The following BPGM variants were observed in gnomAD, a reference collection of about 807,000 sequenced individuals.
BPGM encodes bisphosphoglycerate mutase.
In BPGM, 15 loss-of-function variants were observed where a neutral mutation model predicts 21.6. That is an observed-to-expected ratio of 0.70 (90% CI 0.47 to 1.07). The LOEUF (loss-of-function observed/expected upper bound fraction) is 1.07. Ranked by LOEUF, BPGM falls within the 50% of genes least tolerant of loss-of-function variation. The probability of loss-of-function intolerance (pLI) is 0.00; values close to 1 mark genes in which losing one functional copy is unlikely to be tolerated. For synonymous variants in BPGM, 113 were observed against 116.2 expected (o/e 0.97, Z 0.18); for missense variants, 273 against 319.0 (o/e 0.86, Z 1.10).
chr7:134,647,018 G>A lies in BPGM; in HGVS notation c.-62+81G>A, dbSNP rs181961890. On this transcript the variant is annotated intron_variant, in intron 1 of 2. Transcript: ENST00000344924. ...ATGTTTTATTTTTGGGTGCGGGGAAGGCCAGTTTCTTTACTTCCCCCGGTT... is the reference window on the plus strand; with the variant it reads ...ATGTTTTATTTTTGGGTGCGGGGAAAGCCAGTTTCTTTACTTCCCCCGGTT... The A allele has an allele frequency of 3.1e-3, 481 of 155,176 alleles. 3 individuals carry two copies. The highest frequency in any genetic ancestry group is 3.7e-3 in the Non-Finnish European group (255 of 68,672). 9.6% of individuals were successfully genotyped at this position (155,176 alleles called of 1,614,324 possible).
At chr7:134,663,092 A>T (rs553750192) in intron 2 of BPGM, among the ~76,000 whole-genome samples, 5 of 152,322 alleles carry the variant, frequency 3.3e-5, no homozygotes, top group Admixed American at 3.3e-4. Context: ...TAATAAATAG[A>T]AGAAATTTCT....
chr7:134,648,346 G>T (rs1228758649), intron 1 of BPGM, among the ~76,000 whole-genome samples: 1 of 151,732 alleles, frequency 6.6e-6, no homozygotes, highest in Non-Finnish European at 1.5e-5. Flanking sequence ...TGTTGGCCAG[G>T]CTGGTCTCGA....
rs531190969 is a variant in BPGM, at chr7:134,678,971, G to A, written c.720G>A (p.Ala240=). The part of the protein sequence containing the change: ...GPHQFLGDQE[A]IQAAIKKVED... ...ATCAGTTCCTGGGTGACCAAGAGGCGATCCAAGCAGCCATTAAGAAAGTAG... is the reference window on the plus strand; with the variant it reads ...ATCAGTTCCTGGGTGACCAAGAGGCAATCCAAGCAGCCATTAAGAAAGTAG... The change falls in exon 3 of 3, where the codon GCG becomes GCA. Residue 240 remains alanine, a synonymous_variant. Coordinates refer to ENST00000344924, the MANE Select transcript of BPGM (RefSeq NM_001724.5). 136 of 1,614,120 alleles carry A rather than the reference G, an allele frequency of 8.4e-5. No homozygotes were observed. The African/African-American group carries it at 1.0e-3, about 12-fold the overall frequency.
chr7:134,675,668 G>A (rs940782402), intron 2 of BPGM, among the ~76,000 whole-genome samples: 1 of 151,900 alleles, frequency 6.6e-6, no homozygotes, highest in Non-Finnish European at 1.5e-5. Flanking sequence ...TGAGTCCCTT[G>A]GTTTATTTCT....
Position 134,659,395 on chromosome 7 carries a change from G to A in BPGM, c.-61-2052G>A, listed in dbSNP as rs1795694100. On this transcript the variant is annotated intron_variant, in intron 1 of 2. Coordinates refer to ENST00000344924, the MANE Select transcript of BPGM (RefSeq NM_001724.5). ...TCCGTGTGTGTGTGTGTGTGTGTGT[G>A]TGTGTGTGTGTGTGTGTTCATCACC... is the stretch of plus-strand genomic sequence containing the variant. 2.3e-5 allele frequency among the ~76,000 whole-genome samples: 3 copies of A among 127,964 alleles called. No individual in the cohort carries two copies. In the South Asian group the frequency reaches 7.2e-4, roughly 31 times the overall value. The allele number at this position is 127,964 out of a possible 152,430, so 83.9% of individuals were successfully genotyped here. A position where few individuals can be genotyped will look rare whatever the true frequency, so the allele number is the denominator to read the frequency against.
chr7:134,668,097 A>G (rs1430467866), intron 2 of BPGM, among the ~76,000 whole-genome samples: 1 of 152,076 alleles, frequency 6.6e-6, no homozygotes, highest in Non-Finnish European at 1.5e-5. Context: ...GTTGGTTCTG[A>G]AGATGTTAGT....
chr7:134,662,940 C>T (rs1585859306), intron 2 of BPGM, among the ~76,000 whole-genome samples: 2 of 152,346 alleles, frequency 1.3e-5, no homozygotes, highest in South Asian at 4.1e-4. Flanking sequence ...TGCACTGTGA[C>T]ACCTTCTGGA....
chr7:134,661,778 CA>C lies in BPGM; in HGVS notation c.272del (p.His91ProfsTer5), dbSNP rs1795737557. On this transcript the variant is annotated frameshift_variant, in exon 2 of 3. Coordinates refer to ENST00000344924, the MANE Select transcript of BPGM (RefSeq NM_001724.5). LOFTEE classifies it high-confidence loss of function. This position sits in a 1 kb window ranked among gnomAD's most constrained non-coding sequence, Gnocchi z 4.6. ...VESSWRLNER[H>X]YGALIGLNRE... ...AAGCTCCTGGCGTCTAAATGAGCGT[CA>C]CTATGGGGCCTTGATCGGTCTCAAC... The C allele has an allele frequency of 6.2e-7, 1 of 1,614,006 alleles. No homozygotes were observed. Among genetic ancestry groups the C allele is most frequent in the African/African-American group, 1.3e-5 (1 of 74,908 alleles).
At chr7:134,658,348 A>G (rs1412391230) in intron 1 of BPGM, 2 of 152,194 alleles carry the variant, frequency 1.3e-5, no homozygotes, top group Non-Finnish European at 2.9e-5. Context: ...TGTTTTCCAG[A>G]AAAGTTCTAA....
chr7:134,655,074 G>A (rs753794071), intron 1 of BPGM, among the ~76,000 whole-genome samples: 36 of 152,038 alleles, frequency 2.4e-4, no homozygotes, highest in Non-Finnish European at 4.3e-4. Context: ...GATTAAAATC[G>A]GTACTTAAGT....
chr7:134,678,669 C>G (rs1796016598), intron 2 of BPGM, among the ~76,000 whole-genome samples, 184 bp from the exon 3 acceptor site: 1 of 152,214 alleles, frequency 6.6e-6, no homozygotes, highest in African/African-American at 2.4e-5. Flanking sequence ...CTGTGAATCT[C>G]TAAGCCTTTT....
intron 1 of BPGM, among the ~76,000 whole-genome samples, chr7:134,650,256 C>T (rs1350200614): frequency 2.0e-5 from 3 of 152,288 alleles, no homozygotes; most frequent in African/African-American, 7.2e-5. Flanking sequence ...TGGGTGTTGT[C>T]CACAGTGGTG....
Position 134,661,425 on chromosome 7 carries a change from C to A in BPGM, c.-61-22C>A, listed in dbSNP as rs1489414029. The A allele has an allele frequency of 1.3e-6, 2 of 1,583,156 alleles. No individual in the cohort carries two copies. Among genetic ancestry groups the A allele is most frequent in the Non-Finnish European group, 1.7e-6 (2 of 1,154,294 alleles). The stretch of plus-strand genomic sequence containing the variant: ...GATTGTCAGTTGAATATAACTTAGA[C>A]TTGTTGTTCTTGTCTTTCTAGATGT... On this transcript the variant is annotated intron_variant, in intron 1 of 2. Transcript: ENST00000344924. This position sits in a 1 kb window ranked among gnomAD's most constrained non-coding sequence, Gnocchi z 4.6.
At position 134,648,131 on chromosome 7, in the gene BPGM, GGT is replaced by G. The variant is rs1491252507; in HGVS notation, c.-62+1195_-62+1196del. 3.3e-3 allele frequency among the ~76,000 whole-genome samples: 475 copies of G among 145,320 alleles called. 2 individuals carry two copies. The highest frequency in any genetic ancestry group is 0.012 in the African/African-American group (457 of 38,822). On this transcript the variant is annotated intron_variant, in intron 1 of 2. Transcript: ENST00000344924. The stretch of plus-strand genomic sequence containing the variant: ...TTTCTTTCTTTCTTTCTTTTGTTTT[GGT>G]TTTTTTTTTGTTTTGTTTTCAGACG...
intron 1 of BPGM, among the ~76,000 whole-genome samples, chr7:134,650,337 C>A (rs1039595834): frequency 6.6e-6 from 1 of 152,160 alleles, no homozygotes; most frequent in Non-Finnish European, 1.5e-5. Flanking sequence ...TATATCTCTT[C>A]GCCATGAGTA....
chr7:134,663,884 A>T (rs1214638262), intron 2 of BPGM, among the ~76,000 whole-genome samples: 3 of 152,182 alleles, frequency 2.0e-5, no homozygotes, highest in African/African-American at 4.8e-5. Flanking sequence ...TAGTGCATTG[A>T]TGATTTAACT....
rs769225915 is a variant in BPGM, at chr7:134,659,358, TAC to T, written c.-61-2082_-61-2081del. On this transcript the variant is annotated intron_variant, in intron 1 of 2. Transcript: ENST00000344924. ...TCTTCCATTTGCAAATTAACACACTTACACACACCCCTCCGTGTGTGTGTGTG... is the reference window on the plus strand; with the variant it reads ...TCTTCCATTTGCAAATTAACACACTTACACACCCCTCCGTGTGTGTGTGTG... Among the ~76,000 whole-genome samples, 329 of 146,978 alleles carry T rather than the reference TAC, an allele frequency of 2.2e-3. 2 individuals carry two copies. The highest frequency in any genetic ancestry group is 8.0e-3 in the African/African-American group (315 of 39,484).
At chr7:134,673,456 G>A (rs907207329) in intron 2 of BPGM, among the ~76,000 whole-genome samples, 8 of 152,280 alleles carry the variant, frequency 5.3e-5, no homozygotes, top group African/African-American at 1.9e-4. Flanking sequence ...CCAAACTTGA[G>A]AGTGCTGCTA....
chr7:134,677,413 A>G (rs1040575004), intron 2 of BPGM, among the ~76,000 whole-genome samples: 3 of 152,000 alleles, frequency 2.0e-5, no homozygotes, highest in African/African-American at 7.3e-5. Flanking sequence ...GATCCTTTCC[A>G]TTTTTCATAG....
Sources: gnomAD v4.1 joint callset for allele counts (sites outside exome capture counted in the v4.1 genomes callset) on GRCh38, gnomAD v4.1.1 for gene constraint, Gnocchi (gnomAD v3.1) non-coding constraint, MANE v1.5 for transcripts, NCBI Gene and HGNC (gene_info 2026-07-23, HGNC 2026-07-21) for gene names.